RASL12: variants seen among roughly 807,000 people sequenced by gnomAD.
The protein encoded by RASL12 is RAS like family 12.
In RASL12, 16 loss-of-function variants were observed where a neutral mutation model predicts 22.9. The observed-to-expected ratio is 0.70, with a 90% CI of 0.47 to 1.06. The LOEUF (loss-of-function observed/expected upper bound fraction) is 1.06. Among genes scored for constraint, RASL12 ranks in the 50% least tolerant of loss-of-function variants. RASL12 has a pLI of 0.00. For synonymous variants in RASL12, 159 were observed against 152.2 expected, an observed-to-expected ratio of 1.04 and a Z score of -0.33; for missense variants, 306 against 353.1, an observed-to-expected ratio of 0.87 and a Z score of 1.07.
chr15:65,060,052 G>C (rs988674708), intron 2 of RASL12, among the ~76,000 whole-genome samples: 1 of 152,234 alleles, frequency 6.6e-6, no homozygotes, highest in Admixed American at 6.5e-5. Flanking sequence ...TCAGCTCTCT[G>C]AGGCTGTTTC....
chr15:65,054,308 T>C lies in RASL12; in HGVS notation c.*591A>G. On this transcript the variant is annotated 3_prime_UTR_variant, in exon 5 of 5. Transcript: ENST00000220062. ...GCCAAGTGTTGGAAATACCCCTTCC[T>C]GGGGCTTCTGTCCATTGGATTATTT... is the stretch of plus-strand genomic sequence containing the variant. The C allele has an allele frequency of 1.0e-6, 1 of 985,890 alleles. No individual in the cohort carries two copies. 61.1% of individuals were successfully genotyped at this position (985,890 alleles called of 1,614,324 possible).
At chr15:65,063,368 C>T (rs1210774266) in intron 2 of RASL12, among the ~76,000 whole-genome samples, 2 of 152,156 alleles carry the variant, frequency 1.3e-5, no homozygotes, top group African/African-American at 4.8e-5. Flanking sequence ...TCCCACCTCA[C>T]CTCTGTCCTC....
At chr15:65,075,480 T>G (rs1480292598) in intron 1 of RASL12, among the ~76,000 whole-genome samples, 1 of 152,248 alleles carries the variant, frequency 6.6e-6, no homozygotes, top group Non-Finnish European at 1.5e-5. Flanking sequence ...TGAAGCCAGC[T>G]GGGCTCCTGA....
intron 1 of RASL12, among the ~76,000 whole-genome samples, chr15:65,066,878 T>C (rs1262679104): frequency 2.6e-5 from 4 of 152,084 alleles, no homozygotes; most frequent in African/African-American, 9.7e-5. Context: ...CGGCTAAAAC[T>C]GGAAAAACAG....
At chr15:65,051,468 G>C (rs2086651819), downstream of RASL12, 1 of 1,585,532 alleles carries the variant, frequency 6.3e-7, no homozygotes, top group Non-Finnish European at 8.7e-7. Context: ...GGGCTTGAGA[G>C]GTGCCTGGCC....
chr15:65,048,735 G>A (rs906179813), downstream of RASL12, among the ~76,000 whole-genome samples: 4 of 152,120 alleles, frequency 2.6e-5, no homozygotes, highest in African/African-American at 7.2e-5. Context: ...TGGGTCAGGC[G>A]CGGTGGCTCA....
chr15:65,074,801 C>T (rs772140534), intron 1 of RASL12, among the ~76,000 whole-genome samples: 2 of 152,246 alleles, frequency 1.3e-5, no homozygotes, highest in Non-Finnish European at 2.9e-5. Context: ...GCCCTCAGTG[C>T]GCCCGCACGC....
chr15:65,075,558 G>GT (rs1370856897), intron 1 of RASL12, among the ~76,000 whole-genome samples: 1 of 152,224 alleles, frequency 6.6e-6, no homozygotes, highest in Non-Finnish European at 1.5e-5. Flanking sequence ...TCGGCACTCT[G>GT]TATCTAGCTC....
rs571504253 is a variant in RASL12, at chr15:65,066,135, GA to G, written c.104-863del. On this transcript the variant is annotated intron_variant, in intron 1 of 4. Coordinates refer to ENST00000220062, the MANE Select transcript of RASL12 (RefSeq NM_016563.4). ...AGAAGAAAGAGAGAGAAAGAAGAAA[GA>G]AAAAAAAGAAAGAAGAAGAGAGGGA... Among the ~76,000 whole-genome samples the G allele has an allele frequency of 3.6e-3, 501 of 137,500 alleles. 8 individuals carry two copies. Among genetic ancestry groups the G allele is most frequent in the East Asian group, 2.3e-3 (11 of 4,698 alleles). 90.2% of individuals were successfully genotyped at this position (137,500 alleles called of 152,430 possible).
downstream of RASL12, chr15:65,049,905 A>T (rs538916989): frequency 2.1e-4 from 174 of 812,296 alleles, no homozygotes; most frequent in African/African-American, 2.9e-3. Flanking sequence ...AGGGGTCTTC[A>T]CGGCTTCTCT....
upstream of RASL12, among the ~76,000 whole-genome samples, chr15:65,069,201 C>T (rs2086914202): frequency 6.6e-6 from 1 of 152,224 alleles, no homozygotes; most frequent in Non-Finnish European, 1.5e-5. Context: ...TTTTCCTGGC[C>T]AGGACATGAA....
In RASL12 at chr15:65,053,584, G is replaced by T; in HGVS notation, c.*1315C>A. On this transcript the variant is annotated 3_prime_UTR_variant, in exon 5 of 5. Coordinates refer to ENST00000220062, the MANE Select transcript of RASL12 (RefSeq NM_016563.4). Reference sequence around the variant, plus strand: ...TTTACAGAATGAGTCCGAAGACTGGGTCAGAGATGCTGTTTGCAATCCAAC... The same window carrying T: ...TTTACAGAATGAGTCCGAAGACTGGTTCAGAGATGCTGTTTGCAATCCAAC... 1.0e-6 allele frequency: 1 copy of T among 1,000,926 alleles called. No homozygotes were observed. Among genetic ancestry groups the T allele is most frequent in the Non-Finnish European group, 1.2e-6 (1 of 839,730 alleles). The allele number at this position is 1,000,926 out of a possible 1,614,324, so 62.0% of individuals were successfully genotyped here. A position where few individuals can be genotyped will look rare whatever the true frequency, so the allele number is the denominator to read the frequency against.
At chr15:65,073,098 C>CA (rs1250785736) in intron 1 of RASL12, among the ~76,000 whole-genome samples, 1 of 151,928 alleles carries the variant, frequency 6.6e-6, no homozygotes, top group Admixed American at 6.6e-5. Flanking sequence ...AACAAACAAA[C>CA]AAAAACCGAC....
chr15:65,075,220 C>T (rs928010157), intron 1 of RASL12, among the ~76,000 whole-genome samples: 1 of 152,234 alleles, frequency 6.6e-6, no homozygotes, highest in Non-Finnish European at 1.5e-5. Context: ...AGCCCACCGG[C>T]GCTGTGCTTG....
intron 2 of RASL12, among the ~76,000 whole-genome samples, chr15:65,060,460 C>T (rs539834262): frequency 2.0e-5 from 3 of 152,328 alleles, no homozygotes; most frequent in East Asian, 3.9e-4. Context: ...ATACTATGAA[C>T]CAAACTAGTG....
intron 1 of RASL12, among the ~76,000 whole-genome samples, chr15:65,076,183 C>A (rs528949467): frequency 6.6e-6 from 1 of 152,222 alleles, no homozygotes; most frequent in Non-Finnish European, 1.5e-5. Context: ...AGTGGCAACC[C>A]GCTCATATCC....
chr15:65,076,418 C>T, intron 1 of RASL12: 1 of 529,056 alleles, frequency 1.9e-6, no homozygotes, highest in South Asian at 2.6e-5. Context: ...TGCAGCTTCA[C>T]TCCTGAGCCA....
chr15:65,076,457 A>G (rs544891257), intron 1 of RASL12: 9 of 609,804 alleles, frequency 1.5e-5, no homozygotes, highest in South Asian at 1.2e-4. Flanking sequence ...CAGAAGGAAG[A>G]AACTCCAAAC....
chr15:65,050,810 C>CT (rs111590431), downstream of RASL12, among the ~76,000 whole-genome samples: 14 of 127,786 alleles, frequency 1.1e-4, no homozygotes, highest in African/African-American at 3.8e-4. Context: ...TCTTTCTTTC[C>CT]TTTTTTTTTC....
Sources: gnomAD v4.1 joint callset for allele counts (sites outside exome capture counted in the v4.1 genomes callset) on GRCh38, gnomAD v4.1.1 for gene constraint, MANE v1.5 for transcripts, NCBI Gene and HGNC (gene_info 2026-07-23, HGNC 2026-07-21) for gene names.